The following STK32B variants were observed in gnomAD, a reference collection of about 807,000 sequenced individuals.
The protein encoded by STK32B is serine/threonine-protein kinase 32B.
Under a neutral mutation model 52.6 loss-of-function variants are expected in STK32B, and 43 were observed. The observed-to-expected ratio is 0.82, with a 90% CI of 0.64 to 1.05. STK32B has a LOEUF of 1.05. Ranked by LOEUF, STK32B falls within the 50% of genes least tolerant of loss-of-function variation. STK32B has a pLI of 0.00. For missense variants in STK32B, 621 were observed against 534.6 expected, an observed-to-expected ratio of 1.16 and a Z score of -1.59; for synonymous variants, 238 against 204.3, an observed-to-expected ratio of 1.17 and a Z score of -1.41.
chr4:5,032,856 T>G, the STK32B span, among the ~76,000 whole-genome samples: 1 of 152,092 alleles, frequency 6.6e-6, no homozygotes, highest in Non-Finnish European at 1.5e-5. Flanking sequence ...AGAGGCCCAG[T>G]TTGATTTAAA....
chr4:5,088,434 T>G (rs2108780990), intron 1 of STK32B, among the ~76,000 whole-genome samples: 1 of 152,200 alleles, frequency 6.6e-6, no homozygotes, highest in South Asian at 2.1e-4. Flanking sequence ...TAATTATATG[T>G]TTTAAAATAA....
intron 3 of STK32B, among the ~76,000 whole-genome samples, chr4:5,318,518 T>C (rs1468874060): frequency 6.6e-6 from 1 of 152,130 alleles, no homozygotes; most frequent in Non-Finnish European, 1.5e-5. Flanking sequence ...AGAGTCCTGA[T>C]CACATAGAGC....
rs191306072 is a variant in STK32B, at chr4:5,173,052, C to T, written c.260+4602C>T. ...TTTAGTCTTGGGAGAGTGTATGTGTCGAGGAATTTATCCATTTCTTCTAGA... is the reference window on the plus strand; with the variant it reads ...TTTAGTCTTGGGAGAGTGTATGTGTTGAGGAATTTATCCATTTCTTCTAGA... On this transcript the variant is annotated intron_variant, in intron 3 of 11. Transcript: ENST00000282908. Among the ~76,000 whole-genome samples the T allele has an allele frequency of 3.6e-3, 542 of 152,206 alleles. 2 individuals carry two copies. Among genetic ancestry groups the T allele is most frequent in the African/African-American group, 9.3e-3 (385 of 41,518 alleles).
intron 11 of STK32B, among the ~76,000 whole-genome samples, chr4:5,492,375 TTGTC>T (rs1254725360): frequency 2.0e-5 from 3 of 151,814 alleles, no homozygotes; most frequent in African/African-American, 4.8e-5. Context: ...ATTTGGCTGT[TTGTC>T]TGGTATTGGT....
chr4:5,482,632 G>A (rs1007192365), intron 11 of STK32B, among the ~76,000 whole-genome samples: 1 of 152,180 alleles, frequency 6.6e-6, no homozygotes, highest in Non-Finnish European at 1.5e-5. Flanking sequence ...TATTGAATAG[G>A]AGTAGTGAGA....
intron 3 of STK32B, among the ~76,000 whole-genome samples, chr4:5,260,615 T>A (rs1260890136): frequency 1.3e-5 from 2 of 151,932 alleles, no homozygotes; most frequent in East Asian, 3.9e-4. Context: ...GAGAGAAACA[T>A]AAGTAAAGGC....
chr4:5,089,931 A>G (rs1224654336), intron 1 of STK32B, among the ~76,000 whole-genome samples: 1 of 152,008 alleles, frequency 6.6e-6, no homozygotes, highest in Non-Finnish European at 1.5e-5. Flanking sequence ...ATGGTATCTC[A>G]TTGTGGTTTC....
intron 11 of STK32B, among the ~76,000 whole-genome samples, chr4:5,495,873 G>A (rs1256464149): frequency 6.6e-6 from 1 of 152,166 alleles, no homozygotes; most frequent in Non-Finnish European, 1.5e-5. Flanking sequence ...TACCAGCAGT[G>A]GTGGCTGCAG....
intron 4 of STK32B, among the ~76,000 whole-genome samples, chr4:5,397,189 A>G (rs1736977162): frequency 6.6e-6 from 1 of 152,224 alleles, no homozygotes; most frequent in Non-Finnish European, 1.5e-5. Flanking sequence ...CATTAGTCTC[A>G]GTAGATTTGA....
intron 4 of STK32B, among the ~76,000 whole-genome samples, chr4:5,351,423 C>A: frequency 6.6e-6 from 1 of 151,758 alleles, no homozygotes; most frequent in East Asian, 1.9e-4. Flanking sequence ...AAATGAAAAC[C>A]AAGACACACA....
chr4:5,393,151 G>T (rs1736686739), intron 4 of STK32B, among the ~76,000 whole-genome samples: 1 of 152,140 alleles, frequency 6.6e-6, no homozygotes. Flanking sequence ...CCAAGGTGAA[G>T]CCCTCCCATT....
intron 3 of STK32B, among the ~76,000 whole-genome samples, chr4:5,196,334 GTT>G (rs35605834): frequency 8.3e-4 from 73 of 87,684 alleles, no homozygotes; most frequent in African/African-American, 2.9e-3. Flanking sequence ...TCTTTCTTCA[GTT>G]TTTTTTTTTT....
chr4:5,477,679 C>G (rs914981546), intron 11 of STK32B, among the ~76,000 whole-genome samples: 1 of 152,212 alleles, frequency 6.6e-6, no homozygotes, highest in African/African-American at 2.4e-5. Context: ...GTGATCATGA[C>G]AGAGGGAAGA....
Position 5,317,247 on chromosome 4 carries a change from T to TATAC in STK32B, c.261-13970_261-13969insCATA, listed in dbSNP as rs1731085050. 1.8e-4 allele frequency among the ~76,000 whole-genome samples: 7 copies of TATAC among 39,048 alleles called. 1 individual carries two copies. The highest frequency in any genetic ancestry group is 1.4e-3 in the African/African-American group (6 of 4,218). The allele number at this position is 39,048 out of a possible 152,430, so 25.6% of individuals were successfully genotyped here. ...TATTATATATAACATATATATATTA[T>TATAC]ATATAACATATAACATATATATAAT... On this transcript the variant is annotated intron_variant, in intron 3 of 11. Transcript: ENST00000282908.
At chr4:5,140,241 T>A in intron 2 of STK32B, 2 of 1,447,160 alleles carry the variant, frequency 1.4e-6, no homozygotes, top group Non-Finnish European at 9.2e-7. Flanking sequence ...GTGAGGAAAG[T>A]TGAAAAAAAA....
At chr4:5,114,838 C>T (rs114334023) in intron 1 of STK32B, among the ~76,000 whole-genome samples, 4 of 152,232 alleles carry the variant, frequency 2.6e-5, no homozygotes, top group East Asian at 1.9e-4. Context: ...CGTTATTCCA[C>T]GGGGTGGTGC....
rs991253840 is a variant in STK32B at position 5,333,452 on chromosome 4, C to CT, written c.434+2062dup. Among the ~76,000 whole-genome samples, 14 of 152,210 alleles carry CT rather than the reference C, an allele frequency of 9.2e-5. No homozygotes were observed. The East Asian group carries it at 9.7e-4, about 11-fold the overall frequency. On this transcript the variant is annotated intron_variant, in intron 4 of 11. Transcript: ENST00000282908. ...TGCCTGTTCACTCTGATGGTAGTTTCTTTGCTGTGCAGAAGCTCTTTAGTT... is the reference window on the plus strand; with the variant it reads ...TGCCTGTTCACTCTGATGGTAGTTTCTTTTGCTGTGCAGAAGCTCTTTAGTT...
intron 2 of STK32B, among the ~76,000 whole-genome samples, chr4:5,143,131 CTAT>C (rs749146526): frequency 0.015 from 2,249 of 147,152 alleles, 32 homozygotes; most frequent in East Asian, 0.057. Context: ...GTCTGTCTGT[CTAT>C]CTGTCTGTCT....
At chr4:5,346,947 G>A (rs1209819553) in intron 4 of STK32B, among the ~76,000 whole-genome samples, 1 of 152,200 alleles carries the variant, frequency 6.6e-6, no homozygotes, top group East Asian at 1.9e-4. Flanking sequence ...CACATGTGAA[G>A]GAGGAACTGT....
Sources: allele counts gnomAD v4.1 joint callset (sites outside exome capture counted in the v4.1 genomes callset), GRCh38; gene constraint gnomAD v4.1.1; transcripts MANE v1.5; gene names NCBI Gene and HGNC (gene_info 2026-07-23, HGNC 2026-07-21).